Variants in NTM observed in about 807,000 individuals in gnomAD.
NTM encodes neurotrimin.
A neutral mutation model predicts 42.1 loss-of-function variants in NTM; 13 were observed. The ratio of observed to expected loss-of-function variants is 0.31; its 90% CI spans 0.20 to 0.49. The LOEUF is 0.49. NTM is among the 20% of genes least tolerant of loss of function. NTM has a pLI of 0.99. For missense variants in NTM, 373 were observed against 452.8 expected (o/e 0.82, Z 1.60); for synonymous variants, 187 against 179.2 (o/e 1.04, Z -0.35).
intron 1 of NTM, among the ~76,000 whole-genome samples, chr11:131,420,671 T>G (rs774881812): frequency 6.6e-6 from 1 of 152,172 alleles, no homozygotes; most frequent in Non-Finnish European, 1.5e-5. Context: ...TCCCTGGCTC[T>G]TTCCCTTCTG....
chr11:131,816,747 C>G (rs1308195387), intron 1 of NTM, among the ~76,000 whole-genome samples: 1 of 152,032 alleles, frequency 6.6e-6, no homozygotes, highest in Non-Finnish European at 1.5e-5. Flanking sequence ...TTCCTAGGAG[C>G]CCTATTCAGA....
intron 1 of NTM, among the ~76,000 whole-genome samples, chr11:131,451,916 G>A (rs769415775): frequency 6.6e-6 from 1 of 152,148 alleles, no homozygotes; most frequent in South Asian, 2.1e-4. Flanking sequence ...GCAGTGGAGG[G>A]AGGGGCATGA....
chr11:131,447,520 C>T (rs942950583), intron 1 of NTM, among the ~76,000 whole-genome samples: 3 of 152,168 alleles, frequency 2.0e-5, no homozygotes, highest in African/African-American at 7.2e-5. Flanking sequence ...TGATTCATCT[C>T]TTTCCTGAGC....
intron 1 of NTM, among the ~76,000 whole-genome samples, chr11:131,634,478 A>G (rs1427622452): frequency 6.6e-6 from 1 of 152,134 alleles, no homozygotes; most frequent in Non-Finnish European, 1.5e-5. Flanking sequence ...TTCTAAGCCT[A>G]AACTAGCTTC....
chr11:131,764,914 C>T (rs915525858), intron 1 of NTM, among the ~76,000 whole-genome samples: 3 of 152,180 alleles, frequency 2.0e-5, no homozygotes, highest in East Asian at 3.9e-4. Flanking sequence ...AAGTCACACA[C>T]ATCATCTGAT....
intron 1 of NTM, among the ~76,000 whole-genome samples, chr11:131,817,780 C>T (rs2093010185): frequency 6.6e-6 from 1 of 152,232 alleles, no homozygotes; most frequent in South Asian, 2.1e-4. Flanking sequence ...CAACACATCC[C>T]AATTAACAAT....
chr11:132,331,714 A>G (rs1024025802), intron 8 of NTM, among the ~76,000 whole-genome samples: 1 of 152,178 alleles, frequency 6.6e-6, no homozygotes, highest in Admixed American at 6.5e-5. Context: ...GGTGGTAAGT[A>G]TTTTACTAGT....
intron 1 of NTM, among the ~76,000 whole-genome samples, chr11:131,707,531 A>G (rs1232351032): frequency 1.3e-5 from 2 of 152,110 alleles, no homozygotes; most frequent in Non-Finnish European, 2.9e-5. Context: ...TTGGTGGATC[A>G]TATTGTAATT....
At chr11:132,041,722 C>T (rs539893365) in intron 2 of NTM, among the ~76,000 whole-genome samples, 14 of 152,248 alleles carry the variant, frequency 9.2e-5, no homozygotes, top group African/African-American at 3.4e-4. Context: ...TGCTGAGTTG[C>T]TGGGCAGTCC....
intron 2 of NTM, among the ~76,000 whole-genome samples, chr11:132,132,893 G>T (rs946011940): frequency 6.6e-5 from 10 of 152,114 alleles, no homozygotes; most frequent in Non-Finnish European, 1.2e-4. Flanking sequence ...AATGCATGGC[G>T]GCTTCCAGAT....
At chr11:132,020,620 C>T (rs928110544) in intron 2 of NTM, among the ~76,000 whole-genome samples, 25 of 133,654 alleles carry the variant, frequency 1.9e-4, no homozygotes, top group Non-Finnish European at 1.1e-4. Flanking sequence ...CTGAATTTAT[C>T]CCTCATATTT....
chr11:131,407,640 A>G (rs1283269293), intron 1 of NTM, among the ~76,000 whole-genome samples: 1 of 152,176 alleles, frequency 6.6e-6, no homozygotes, highest in Non-Finnish European at 1.5e-5. Flanking sequence ...GCTTTGTCAT[A>G]CTTTCTGCCT....
intron 2 of NTM, among the ~76,000 whole-genome samples, chr11:132,028,784 A>G (rs1027311871): frequency 1.3e-5 from 2 of 152,104 alleles, no homozygotes; most frequent in East Asian, 1.9e-4. Flanking sequence ...CTTCATAAGA[A>G]CAGGATGCAT....
At position 131,788,466 on chromosome 11, in the gene NTM, A is replaced by C. The variant is rs1232583273; in HGVS notation, c.83-123098A>C. The stretch of plus-strand genomic sequence containing the variant: ...ATTTGTAATTTTAAAAATTTATTTT[A>C]ATTTTTTGACTGAGTCATTGGTAGA... On this transcript the variant is annotated intron_variant, in intron 1 of 8. Transcript: ENST00000683400. Among the ~76,000 whole-genome samples, 4 of 151,802 alleles carry C rather than the reference A, an allele frequency of 2.6e-5. No homozygotes were observed. The East Asian group carries it at 7.7e-4, about 29-fold the overall frequency.
At chr11:132,020,353 A>T (rs2074144774) in intron 2 of NTM, among the ~76,000 whole-genome samples, 1 of 151,754 alleles carries the variant, frequency 6.6e-6, no homozygotes, top group African/African-American at 2.4e-5. Context: ...TTATGACTGG[A>T]TTTACATTTG....
chr11:132,293,050 G>A (rs2094502524), intron 4 of NTM, among the ~76,000 whole-genome samples: 1 of 152,108 alleles, frequency 6.6e-6, no homozygotes, highest in Non-Finnish European at 1.5e-5. Context: ...TGAGGGGCCG[G>A]TTTTTGACGG....
At chr11:132,091,640 T>G (rs2060389566) in intron 2 of NTM, among the ~76,000 whole-genome samples, 1 of 151,586 alleles carries the variant, frequency 6.6e-6, no homozygotes, top group East Asian at 2.0e-4. Context: ...ACCACACACC[T>G]GACTATTTTT....
chr11:131,921,342 G>A (rs2057198198), intron 2 of NTM, among the ~76,000 whole-genome samples: 2 of 152,242 alleles, frequency 1.3e-5, no homozygotes, highest in African/African-American at 4.8e-5. Context: ...GACAACAAAG[G>A]CAGAGGCTGT....
In NTM at chr11:131,706,649, T is replaced by C. The variant is rs145626526; in HGVS notation, c.83-204915T>C. Among the ~76,000 whole-genome samples the C allele has an allele frequency of 6.0e-3, 917 of 152,120 alleles. 3 individuals are homozygous for C. Among genetic ancestry groups the C allele is most frequent in the Non-Finnish European group, 9.8e-3 (668 of 67,892 alleles). Reference sequence around the variant, plus strand: ...TTATCAAGTTCTTTTATAACCATAATGGTATGAAACTAGCAATCAATAACA... The same window carrying C: ...TTATCAAGTTCTTTTATAACCATAACGGTATGAAACTAGCAATCAATAACA... On this transcript the variant is annotated intron_variant, in intron 1 of 8. Coordinates refer to ENST00000683400, the MANE Select transcript of NTM (RefSeq NM_001352005.2).
Sources: allele counts gnomAD v4.1 joint callset (sites outside exome capture counted in the v4.1 genomes callset), GRCh38; gene constraint gnomAD v4.1.1; transcripts MANE v1.5; gene names NCBI Gene and HGNC (gene_info 2026-07-23, HGNC 2026-07-21).